The following IGSF9 variants were observed in gnomAD, a reference collection of about 807,000 sequenced individuals.
The protein encoded by IGSF9 is immunoglobulin superfamily member 9, also known as protein turtle homolog A.
Under a neutral mutation model 121.7 loss-of-function variants are expected in IGSF9, and 87 were observed. The observed-to-expected ratio is 0.71, with a 90% CI of 0.60 to 0.85. IGSF9 has a LOEUF of 0.85. Among genes scored for constraint, IGSF9 ranks in the 40% least tolerant of loss-of-function variants. IGSF9 has a pLI of 0.00. For missense variants in IGSF9, 1,462 were observed against 1,565.3 expected, an observed-to-expected ratio of 0.93 and a Z score of 1.11; for synonymous variants, 640 against 648.4, an observed-to-expected ratio of 0.99 and a Z score of 0.20.
intron 9 of IGSF9, 64 bp downstream of exon 9, chr1:159,934,126 C>A: frequency 6.5e-7 from 1 of 1,546,648 alleles, no homozygotes. Flanking sequence ...GCTAACTCCA[C>A]CCTGCTGTCC....
At position 159,927,789 on chromosome 1, in the gene IGSF9, C is replaced by T. The variant is rs773126631; in HGVS notation, c.3329G>A (p.Arg1110Gln). Residue 1110 changes from arginine to glutamine, a missense_variant, in exon 20 of 21, where the codon CGG (arginine) becomes CAG (glutamine). Physicochemically the swap from Arg to Gln is conservative, Grantham distance 43 (BLOSUM62 1). Coordinates refer to ENST00000368094, the MANE Select transcript of IGSF9 (RefSeq NM_001135050.2). ...CTCTGGCTCAGCTTCAGGTCTGAGC[C>T]GGGAGCTGGCCAAGCCCAGGTGCAA... is the stretch of plus-strand genomic sequence containing the variant. The part of the protein sequence containing the change: ...ETLHLGLASS[R>Q]LRPEAEPELG... 1.2e-5 allele frequency: 20 copies of T among 1,613,756 alleles called. No homozygotes were observed. Among genetic ancestry groups the T allele is most frequent in the Admixed American group, 1.7e-5 (1 of 59,964 alleles).
chr1:159,936,578 G>C, intron 5 of IGSF9, 62 bp from the exon 6 acceptor site: 1 of 1,563,830 alleles, frequency 6.4e-7, no homozygotes, highest in African/African-American at 1.3e-5. Context: ...CTGCACTTCC[G>C]AGTTTGGCCA....
chr1:159,930,988 G>C, intron 13 of IGSF9, 121 bp from the exon 14 acceptor site: 1 of 1,439,152 alleles, frequency 6.9e-7, no homozygotes, highest in Non-Finnish European at 9.4e-7. Flanking sequence ...CCTTGGCCCT[G>C]AATGCCTCAG....
At position 159,927,295 on chromosome 1, in the gene IGSF9, G is replaced by T. The variant is rs781036444; in HGVS notation, c.*50C>A. 6.2e-7 allele frequency: 1 copy of T among 1,603,776 alleles called. No individual in the cohort carries two copies. Among genetic ancestry groups the T allele is most frequent in the South Asian group, 1.1e-5 (1 of 90,846 alleles). ...TGAAACTAGGTCTGTCTGGTTGGGG[G>T]CCTCCTTTGCAGGTCCATATGCCTT... On this transcript the variant is annotated 3_prime_UTR_variant, in exon 21 of 21. Coordinates refer to ENST00000368094, the MANE Select transcript of IGSF9 (RefSeq NM_001135050.2).
chr1:159,929,368 G>C lies in IGSF9; in HGVS notation c.2352C>G (p.Thr784=), dbSNP rs746380395. ...GCACTTACGGTGCAGCTGACTTCCC[G>C]GTCGGAGAGAAGATAAGAGGTGGAT... ...RQDPPLIFSP[T]GKSAAPSALG... Residue 784 remains threonine (T), a synonymous_variant, in exon 18 of 21, where the codon ACC becomes ACG. Transcript: ENST00000368094. 5.3e-5 allele frequency: 85 copies of C among 1,614,154 alleles called. No individual in the cohort carries two copies. Among genetic ancestry groups the C allele is most frequent in the East Asian group, 1.1e-4 (5 of 44,890 alleles).
intron 18 of IGSF9, 113 bp downstream of exon 18, chr1:159,929,238 T>C: frequency 1.4e-6 from 2 of 1,422,422 alleles, no homozygotes; most frequent in South Asian, 1.2e-5. Flanking sequence ...CTCCCACTTT[T>C]GTTCCTCCCC....
At position 159,928,652 on chromosome 1, in the gene IGSF9, G is replaced by C; in HGVS notation, c.2736C>G (p.Ala912=). ...CAGGACCTGGCAAGGGACTGGGTGG[G>C]GCTGCTGGAGGGGGTGCCACAGGGC... is the stretch of plus-strand genomic sequence containing the variant. ...DISPVAPPPA[A]PPSPLPGPGP... The change falls in exon 19 of 21, where the codon GCC becomes GCG. Residue 912 remains alanine, a synonymous_variant. Transcript: ENST00000368094. The C allele has an allele frequency of 6.8e-7, 1 of 1,481,138 alleles. No individual in the cohort carries two copies. The highest frequency in any genetic ancestry group is 2.6e-5 in the Admixed American group (1 of 38,706). 91.7% of individuals were successfully genotyped at this position (1,481,138 alleles called of 1,614,324 possible). A position where few individuals can be genotyped will look rare whatever the true frequency, so the allele number is the denominator to read the frequency against.
intron 19 of IGSF9, 78 bp downstream of exon 19, chr1:159,928,080 T>C: frequency 1.3e-6 from 2 of 1,536,818 alleles, no homozygotes; most frequent in Non-Finnish European, 8.8e-7. Flanking sequence ...GCAGAGAAGG[T>C]GCAGGGTATT....
rs565019031 is a variant in IGSF9 at position 159,930,991 on chromosome 1, T to C, written c.1638-124A>G. On this transcript the variant is annotated intron_variant, in intron 13 of 20. Transcript: ENST00000368094. ...AAGGTCTCAGGACCTTGGCCCTGAATGCCTCAGAATCTGGAAACAGGGAAG... is the reference window on the plus strand; with the variant it reads ...AAGGTCTCAGGACCTTGGCCCTGAACGCCTCAGAATCTGGAAACAGGGAAG... 1.8e-4 allele frequency: 255 copies of C among 1,444,806 alleles called. 2 individuals are homozygous for C. The South Asian group carries it at 3.2e-3, about 18-fold the overall frequency. 89.5% of individuals were successfully genotyped at this position (1,444,806 alleles called of 1,614,324 possible).
At chr1:159,930,587 G>A (rs186514336) in intron 14 of IGSF9, 105 bp downstream of exon 14, 2 of 1,547,828 alleles carry the variant, frequency 1.3e-6, no homozygotes, top group Admixed American at 1.9e-5. Context: ...CCCCAAGCTG[G>A]CCAGCACCTC....
chr1:159,928,125 G>A, intron 19 of IGSF9, 33 bp downstream of exon 19: 2 of 1,593,990 alleles, frequency 1.3e-6, no homozygotes, highest in East Asian at 2.2e-5. Flanking sequence ...TGGGACTGAG[G>A]CGGAGGCAGG....
rs576867331 is a variant in IGSF9 at position 159,931,778 on chromosome 1, G to A, written c.1362+34C>T. 3.0e-5 allele frequency: 44 copies of A among 1,485,310 alleles called. No homozygotes were observed. The highest frequency in any genetic ancestry group is 5.0e-5 in the South Asian group (4 of 80,034). The allele number at this position is 1,485,310 out of a possible 1,614,324, so 92.0% of individuals were successfully genotyped here. On this transcript the variant is annotated intron_variant, in intron 11 of 20. Transcript: ENST00000368094. This position sits in a 1 kb window ranked among gnomAD's most constrained non-coding sequence, Gnocchi z 4.8. ...CACGAGAGGCAGGGGTGTAGTGGGC[G>A]TGGGTACAGGCAGAGCGGGCTCAGG...
intron 18 of IGSF9, 34 bp from the exon 19 acceptor site, chr1:159,929,052 G>A (rs566618755): frequency 9.9e-6 from 15 of 1,507,586 alleles, no homozygotes; most frequent in African/African-American, 8.4e-5. Flanking sequence ...GTCTGTGGTA[G>A]GGGCAGGTCC....
At position 159,929,810 on chromosome 1, in the gene IGSF9, C is replaced by A. The variant is rs371820650; in HGVS notation, c.2154G>T (p.Leu718=). 1 of 1,603,916 alleles carries A rather than the reference C, an allele frequency of 6.2e-7. No homozygotes were observed. The highest frequency in any genetic ancestry group is 1.3e-5 in the African/African-American group (1 of 74,906). Reference sequence around the variant, plus strand: ...GCTGCGTGCGCGAAGGGTAGACCTCCAGACCTAGGCAGGGGTCCACGAGGG... The same window carrying A: ...GCTGCGTGCGCGAAGGGTAGACCTCAAGACCTAGGCAGGGGTCCACGAGGG... ...SNTANVSTSG[L]EVYPSRTQLP... is the part of the protein sequence containing the mutation. The change falls in exon 17 of 21, where the codon CTG becomes CTT. Residue 718 remains leucine (L), a synonymous_variant. Coordinates refer to ENST00000368094, the MANE Select transcript of IGSF9 (RefSeq NM_001135050.2).
At position 159,934,826 on chromosome 1, in the gene IGSF9, TG is replaced by T. The variant is rs1168115284; in HGVS notation, c.674-5del. The T allele has an allele frequency of 6.2e-6, 10 of 1,613,954 alleles. No individual in the cohort carries two copies. Among genetic ancestry groups the T allele is most frequent in the Non-Finnish European group, 8.5e-6 (10 of 1,179,964 alleles). ...GGCACCACGATGACTGGGGGTCCTGTGGGATGCACAAGGGGAGGAAGGTGGC... is the reference window on the plus strand; with the variant it reads ...GGCACCACGATGACTGGGGGTCCTGTGGATGCACAAGGGGAGGAAGGTGGC... On this transcript the variant is annotated splice_polypyrimidine_tract_variant and splice_region_variant and intron_variant, in intron 6 of 20. Transcript: ENST00000368094.
chr1:159,937,939 C>G (rs1239000217), intron 3 of IGSF9, 101 bp from the exon 4 acceptor site: 8 of 1,275,000 alleles, frequency 6.3e-6, no homozygotes, highest in Non-Finnish European at 8.7e-6. Flanking sequence ...CAGGCTCAGT[C>G]TCTCCCAGTT....
chr1:159,935,592 C>T (rs1040028835), intron 6 of IGSF9, among the ~76,000 whole-genome samples: 1 of 152,206 alleles, frequency 6.6e-6, no homozygotes, highest in Non-Finnish European at 1.5e-5. Flanking sequence ...GGGCCGGTAC[C>T]GCATGAGCAG....
chr1:159,941,914 G>C (rs781613000), intron 3 of IGSF9, among the ~76,000 whole-genome samples: 3 of 152,218 alleles, frequency 2.0e-5, no homozygotes, highest in Non-Finnish European at 2.9e-5. Context: ...AGTTTGAAAA[G>C]AAACTTCCCT....
At chr1:159,937,035 C>T in intron 4 of IGSF9, 127 bp from the exon 5 acceptor site, 2 of 928,018 alleles carry the variant, frequency 2.2e-6, no homozygotes, top group South Asian at 1.6e-5. Flanking sequence ...TCATAGGAGT[C>T]CTCAGCCCAG....
Sources: allele counts gnomAD v4.1 joint callset (sites outside exome capture counted in the v4.1 genomes callset), GRCh38; gene constraint gnomAD v4.1.1; non-coding constraint Gnocchi (gnomAD v3.1); transcripts MANE v1.5; gene names NCBI Gene and HGNC (gene_info 2026-07-23, HGNC 2026-07-21).